The following STAM2 variants were observed in gnomAD, a reference collection of about 807,000 sequenced individuals.
STAM2 encodes signal transducing adapter molecule 2.
A neutral mutation model predicts 65.6 loss-of-function variants in STAM2; 51 were observed. The observed-to-expected ratio is 0.78, with a 90% CI of 0.62 to 0.98. The LOEUF (loss-of-function observed/expected upper bound fraction) is 0.98, where lower values mean the gene tolerates loss of function less well. Among genes scored for constraint, STAM2 ranks in the 50% least tolerant of loss-of-function variants. The pLI, the probability that STAM2 is intolerant of heterozygous loss-of-function variation, is 0.00. For synonymous variants in STAM2, 198 were observed against 208.4 expected, an observed-to-expected ratio of 0.95 and a Z score of 0.43; for missense variants, 584 against 617.8, an observed-to-expected ratio of 0.95 and a Z score of 0.58.
In STAM2 at chr2:152,148,312, A is replaced by AAAG; in HGVS notation, c.126-13_126-12insCTT. ...GGCAATCTTTCGCTCTAAAAAAAAA[A>AAAG]AGAGAGAGAGAGACAGTTAAGTATT... On this transcript the variant is annotated splice_polypyrimidine_tract_variant and intron_variant, in intron 2 of 13. Transcript: ENST00000263904. The AAAG allele has an allele frequency of 4.5e-6, 7 of 1,561,146 alleles. No individual in the cohort carries two copies. Among genetic ancestry groups the AAAG allele is most frequent in the South Asian group, 1.2e-5 (1 of 84,936 alleles).
At chr2:152,125,207 C>T (rs966153913) in intron 12 of STAM2, among the ~76,000 whole-genome samples, 1 of 152,198 alleles carries the variant, frequency 6.6e-6, no homozygotes, top group East Asian at 1.9e-4. Flanking sequence ...CAGAAGCAAA[C>T]TGAATAAATC....
At position 152,123,801 on chromosome 2, in the gene STAM2, T is replaced by C; in HGVS notation, c.1314A>G (p.Ser438=). 1 of 1,614,188 alleles carries C rather than the reference T, an allele frequency of 6.2e-7. No individual in the cohort carries two copies. The highest frequency in any genetic ancestry group is 2.2e-5 in the East Asian group (1 of 44,880). The change falls in exon 13 of 14, where the codon TCA becomes TCG. Residue 438 remains serine, a synonymous_variant. Transcript: ENST00000263904. ...LRSLPPNVNS[S]VTAQPAQTSY... is the part of the protein sequence containing the mutation. Reference sequence around the variant, plus strand: ...AAGTTTGAGCAGGCTGTGCTGTCACTGAGGAATTCACATTTGGAGGCAGAG... The same window carrying C: ...AAGTTTGAGCAGGCTGTGCTGTCACCGAGGAATTCACATTTGGAGGCAGAG...
At chr2:152,146,130 G>C (rs969509381) in intron 5 of STAM2, among the ~76,000 whole-genome samples, 22 of 151,778 alleles carry the variant, frequency 1.4e-4, no homozygotes. Context: ...AATTAGCCGG[G>C]CATGGTGGTA....
At chr2:152,133,607 CA>C in intron 8 of STAM2, 123 bp from the exon 9 acceptor site, 1 of 676,212 alleles carries the variant, frequency 1.5e-6, no homozygotes, top group Non-Finnish European at 2.5e-6. Context: ...ATATTCACCA[CA>C]TTTTATAATC....
chr2:152,163,194 G>T (rs1166466600), intron 1 of STAM2, among the ~76,000 whole-genome samples: 2 of 152,140 alleles, frequency 1.3e-5, no homozygotes, highest in Non-Finnish European at 2.9e-5. Context: ...GGGACTGGCT[G>T]GAGCCGTAGC....
At chr2:152,148,168 C>A in intron 3 of STAM2, 46 bp from the exon 4 acceptor site, 1 of 1,590,558 alleles carries the variant, frequency 6.3e-7, no homozygotes, top group Non-Finnish European at 8.6e-7. Context: ...TATTAACTTA[C>A]TGTAATTAAA....
At chr2:152,163,819 T>C (rs1211311841) in intron 1 of STAM2, among the ~76,000 whole-genome samples, 1 of 152,192 alleles carries the variant, frequency 6.6e-6, no homozygotes, top group African/African-American at 2.4e-5. Flanking sequence ...AAATACGCCC[T>C]GGTCTCCTGC....
intron 1 of STAM2, among the ~76,000 whole-genome samples, chr2:152,160,813 C>T (rs573933662): frequency 6.7e-4 from 94 of 140,244 alleles, no homozygotes; most frequent in Non-Finnish European, 1.0e-3. Context: ...CCGCCCCGTC[C>T]GGGAAGGTGG....
intron 1 of STAM2, among the ~76,000 whole-genome samples, chr2:152,160,846 G>A (rs187164383): frequency 0.22 from 31,398 of 139,924 alleles, 3,604 homozygotes; most frequent in Admixed American, 0.3. Context: ...CCCCCCACCC[G>A]GCCAGCCGCC....
chr2:152,123,638 C>T, intron 13 of STAM2, 128 bp downstream of exon 13: 1 of 946,152 alleles, frequency 1.1e-6, no homozygotes, highest in Non-Finnish European at 1.6e-6. Flanking sequence ...TAAGGTAACA[C>T]CATTCCACTT....
chr2:152,155,367 G>T (rs1689522083), intron 1 of STAM2, among the ~76,000 whole-genome samples: 1 of 152,224 alleles, frequency 6.6e-6, no homozygotes, highest in Non-Finnish European at 1.5e-5. Flanking sequence ...TGTGTGCAAA[G>T]TTCTGGACCA....
chr2:152,144,842 A>G (rs1265206580), intron 6 of STAM2, 46 bp downstream of exon 6: 1 of 1,539,778 alleles, frequency 6.5e-7, no homozygotes, highest in Non-Finnish European at 8.9e-7. Flanking sequence ...CAGCCCTGGC[A>G]AAGATATTTT....
chr2:152,123,923 G>A lies in STAM2; in HGVS notation c.1192C>T (p.Gln398Ter), dbSNP rs762414088. ...CCCATATAGTTTCCACCATGTGATTGAACTGGATATGTCTATTAATCAGAA... is the reference window on the plus strand; with the variant it reads ...CCCATATAGTTTCCACCATGTGATTAAACTGGATATGTCTATTAATCAGAA... ...SGVPMQTYPVQSHGGNYMGQS... is the reference protein window; with the variant it reads ...SGVPMQTYPV Residue 398 changes from glutamine to a stop codon, truncating the protein, a stop_gained, in exon 13 of 14, where the codon CAA (glutamine) becomes TAA (stop). Transcript: ENST00000263904. LOFTEE classifies it high-confidence loss of function. 3 of 1,613,956 alleles carry A rather than the reference G, an allele frequency of 1.9e-6. No individual in the cohort carries two copies. Among genetic ancestry groups the A allele is most frequent in the Non-Finnish European group, 2.5e-6 (3 of 1,179,936 alleles).
chr2:152,147,649 C>A (rs1447451195), intron 4 of STAM2, among the ~76,000 whole-genome samples: 1 of 152,094 alleles, frequency 6.6e-6, no homozygotes, highest in African/African-American at 2.4e-5. Flanking sequence ...AGCTGCATGA[C>A]CTTGGACAAG....
intron 1 of STAM2, among the ~76,000 whole-genome samples, chr2:152,160,659 GC>G (rs1344514803): frequency 1.4e-5 from 2 of 146,206 alleles, no homozygotes; most frequent in Admixed American, 1.3e-4. Flanking sequence ...GTGGGGGTCA[GC>G]CCCCCGCCCG....
At chr2:152,171,719 AC>A (rs1234975913) in intron 1 of STAM2, among the ~76,000 whole-genome samples, 3 of 152,210 alleles carry the variant, frequency 2.0e-5, no homozygotes, top group Non-Finnish European at 4.4e-5. Flanking sequence ...AACAATTCAA[AC>A]CACTGCGTCC....
chr2:152,151,579 TAG>T (rs1186380161), intron 1 of STAM2, among the ~76,000 whole-genome samples: 1 of 152,236 alleles, frequency 6.6e-6, no homozygotes, highest in African/African-American at 2.4e-5. Context: ...ACTATATTCA[TAG>T]AGTTGTACAA....
chr2:152,128,925 A>G lies in STAM2; in HGVS notation c.1026-2546T>C, dbSNP rs988950456. On this transcript the variant is annotated intron_variant, in intron 11 of 13. Coordinates refer to ENST00000263904, the MANE Select transcript of STAM2 (RefSeq NM_005843.6). ...TGATCCATTCAAGGGAAAAAAGGAT[A>G]TTTTATTCATCTTTGAATACTTGAC... Among the ~76,000 whole-genome samples the G allele has an allele frequency of 4.9e-4, 74 of 152,242 alleles. 1 individual carries two copies. Among genetic ancestry groups the G allele is most frequent in the Admixed American group, 4.8e-3 (74 of 15,284 alleles).
At chr2:152,130,669 G>C (rs1481699351) in intron 11 of STAM2, among the ~76,000 whole-genome samples, 2 of 151,442 alleles carry the variant, frequency 1.3e-5, no homozygotes, top group Non-Finnish European at 2.9e-5. Context: ...ACCAGCCTGG[G>C]CAGCACAGCA....
Sources: gnomAD v4.1 joint callset for allele counts (sites outside exome capture counted in the v4.1 genomes callset) on GRCh38, gnomAD v4.1.1 for gene constraint, MANE v1.5 for transcripts, NCBI Gene and HGNC (gene_info 2026-07-23, HGNC 2026-07-21) for gene names.